The following SMG1 variants were observed in gnomAD, a reference collection of about 807,000 sequenced individuals.
The protein encoded by SMG1 is SMG1 nonsense mediated mRNA decay associated PI3K related kinase.
A neutral mutation model predicts 419.9 loss-of-function variants in SMG1; 22 were observed. The ratio of observed to expected loss-of-function variants is 0.05; its 90% CI spans 0.04 to 0.07. The LOEUF is 0.07. SMG1 is among the 10% of genes least tolerant of loss of function. The pLI, the probability that SMG1 is intolerant of heterozygous loss-of-function variation, is 1.00. For synonymous variants in SMG1, 1,538 were observed against 1,553.5 expected, an observed-to-expected ratio of 0.99 and a Z score of 0.23; for missense variants, 3,185 against 4,342.0, an observed-to-expected ratio of 0.73 and a Z score of 7.49.
At chr16:18,909,267 G>A (rs547738336) in intron 1 of SMG1, among the ~76,000 whole-genome samples, 8 of 152,060 alleles carry the variant, frequency 5.3e-5, no homozygotes, top group South Asian at 4.2e-4. Flanking sequence ...ACTTGAACCC[G>A]GGAGGCAGAG....
intron 1 of SMG1, among the ~76,000 whole-genome samples, chr16:18,916,248 G>C (rs1596658641): frequency 1.3e-5 from 2 of 151,506 alleles, no homozygotes; most frequent in South Asian, 4.2e-4. Context: ...AGGCACGGTG[G>C]CTCACGCCTG....
At position 18,806,441 on chromosome 16, in the gene SMG1, TCAC is replaced by T. The variant is rs1201629140; in HGVS notation, c.*3125_*3127del. 1.3e-5 allele frequency: 2 copies of T among 152,522 alleles called. No homozygotes were observed. The highest frequency in any genetic ancestry group is 4.8e-5 in the African/African-American group (2 of 41,438). The allele number at this position is 152,522 out of a possible 1,614,324, so 9.4% of individuals were successfully genotyped here. A position where few individuals can be genotyped will look rare whatever the true frequency, so the allele number is the denominator to read the frequency against. On this transcript the variant is annotated 3_prime_UTR_variant, in exon 63 of 63. Coordinates refer to ENST00000446231, the MANE Select transcript of SMG1 (RefSeq NM_015092.5). ...AATCTCAACAGATTTCAAAAGCAAC[TCAC>T]CACAAGTGTCAGACACAAAAGAATC...
In SMG1 at chr16:18,918,426, T is replaced by C. The variant is rs117453952; in HGVS notation, c.92+7524A>G. 4.6e-5 allele frequency among the ~76,000 whole-genome samples: 7 copies of C among 152,334 alleles called. No homozygotes were observed. In the East Asian group the frequency reaches 1.2e-3, roughly 25 times the overall value. On this transcript the variant is annotated intron_variant, in intron 1 of 62. Coordinates refer to ENST00000446231, the MANE Select transcript of SMG1 (RefSeq NM_015092.5). Reference sequence around the variant, plus strand: ...CACTGACAATTTGCACCTGGTCTTATCCTAATTTTCTTCTATTTTGGGGGG... The same window carrying C: ...CACTGACAATTTGCACCTGGTCTTACCCTAATTTTCTTCTATTTTGGGGGG...
chr16:18,836,664 T>G, intron 46 of SMG1, 132 bp from the exon 47 acceptor site: 3 of 849,248 alleles, frequency 3.5e-6, no homozygotes, highest in Non-Finnish European at 3.6e-6. Context: ...CCTCCTCAAA[T>G]GTCCCTTACT....
intron 1 of SMG1, among the ~76,000 whole-genome samples, chr16:18,920,278 A>C (rs1343424392): frequency 1.5e-4 from 23 of 151,548 alleles, no homozygotes; most frequent in Non-Finnish European, 2.9e-5. Context: ...TCTACTTAGG[A>C]GGCTGAGACA....
At chr16:18,821,221 C>CTTTT (rs869238782) in intron 55 of SMG1, among the ~76,000 whole-genome samples, 14 of 35,600 alleles carry the variant, frequency 3.9e-4, no homozygotes, top group Non-Finnish European at 6.1e-4. Context: ...TAGTATGTTT[C>CTTTT]TTTTTTTTTT....
intron 55 of SMG1, among the ~76,000 whole-genome samples, chr16:18,820,132 A>G (rs1288166350): frequency 6.6e-6 from 1 of 152,010 alleles, no homozygotes; most frequent in East Asian, 1.9e-4. Flanking sequence ...TGCCTGGCTA[A>G]TTTTTGTAGT....
At chr16:18,813,920 A>C (rs2031717799) in intron 60 of SMG1, among the ~76,000 whole-genome samples, 1 of 151,010 alleles carries the variant, frequency 6.6e-6, no homozygotes, top group African/African-American at 2.4e-5. Context: ...AATTCCAGCT[A>C]CTGGGGAGGT....
chr16:18,815,395 T>TTTTGTA, intron 59 of SMG1, 45 bp downstream of exon 59: 5 of 1,599,824 alleles, frequency 3.1e-6, no homozygotes, highest in Non-Finnish European at 4.3e-6. Context: ...ATACCAGTAG[T>TTTTGTA]TTTGTACTTA....
intron 6 of SMG1, among the ~76,000 whole-genome samples, chr16:18,888,346 T>C (rs557191918): frequency 1.6e-3 from 243 of 151,166 alleles, no homozygotes; most frequent in Admixed American, 2.9e-3. Flanking sequence ...TTAGTTCTTG[T>C]CTCCCTCTAC....
rs185137467 is a variant in SMG1 at position 18,837,231 on chromosome 16, A to G, written c.7604+22T>C. On this transcript the variant is annotated intron_variant, in intron 46 of 62. Transcript: ENST00000446231. ...TTCTAATTAATGGCACATATTTAGA[A>G]GAATTCAACACTGTTTTAAACCTGT... The G allele has an allele frequency of 2.4e-3, 3,841 of 1,573,446 alleles. 18 individuals carry two copies. The highest frequency in any genetic ancestry group is 2.3e-3 in the Non-Finnish European group (2,721 of 1,158,068).
At chr16:18,867,377 T>C (rs938470781) in intron 22 of SMG1, among the ~76,000 whole-genome samples, 1 of 151,760 alleles carries the variant, frequency 6.6e-6, no homozygotes, top group Non-Finnish European at 1.5e-5. Context: ...CTACTAAAAA[T>C]ACAAAACTTA....
At chr16:18,861,961 C>T (rs1399830124) in intron 25 of SMG1, among the ~76,000 whole-genome samples, 5 of 152,124 alleles carry the variant, frequency 3.3e-5, no homozygotes, top group Non-Finnish European at 7.4e-5. Flanking sequence ...TCAACCTCTG[C>T]TTTCTAGTGG....
chr16:18,908,772 C>CGGGAGGCTGAGGT (rs1368628417), intron 1 of SMG1, among the ~76,000 whole-genome samples: 2 of 151,540 alleles, frequency 1.3e-5, no homozygotes, highest in African/African-American at 2.4e-5. Flanking sequence ...CCCAGCTACT[C>CGGGAGGCTGAGGT]GGGAGGCTGA....
In SMG1 at chr16:18,837,241, A is replaced by G; in HGVS notation, c.7604+12T>C. ...TGGCACATATTTAGAAGAATTCAAC[A>G]CTGTTTTAAACCTGTGTTGCAGAGT... On this transcript the variant is annotated intron_variant, in intron 46 of 62. Transcript: ENST00000446231. The G allele has an allele frequency of 1.3e-6, 2 of 1,592,910 alleles. No homozygotes were observed. Among genetic ancestry groups the G allele is most frequent in the Non-Finnish European group, 8.6e-7 (1 of 1,169,126 alleles).
intron 1 of SMG1, among the ~76,000 whole-genome samples, chr16:18,915,997 A>G (rs1327880612): frequency 7.1e-6 from 1 of 139,930 alleles, no homozygotes; most frequent in African/African-American, 2.7e-5. Flanking sequence ...TGAACCCGGG[A>G]GGCAGAGGTT....
intron 54 of SMG1, among the ~76,000 whole-genome samples, chr16:18,828,447 C>T (rs116377871): frequency 1.1e-4 from 16 of 152,296 alleles, no homozygotes; most frequent in African/African-American, 3.1e-4. Context: ...TTAAGGAAAT[C>T]AGAGCTTAAG....
intron 55 of SMG1, among the ~76,000 whole-genome samples, chr16:18,821,078 T>C (rs995123359): frequency 1.3e-5 from 2 of 152,174 alleles, no homozygotes; most frequent in Non-Finnish European, 2.9e-5. Flanking sequence ...TAGCTACTAC[T>C]AATAAACAAA....
intron 41 of SMG1, 100 bp downstream of exon 41, chr16:18,841,462 CTTT>C: frequency 2.0e-6 from 2 of 982,490 alleles, no homozygotes; most frequent in Non-Finnish European, 3.1e-6. Context: ...TCTTTTCCTT[CTTT>C]AACTGCTTAT....
Sources: gnomAD v4.1 joint callset for allele counts (sites outside exome capture counted in the v4.1 genomes callset) on GRCh38, gnomAD v4.1.1 for gene constraint, MANE v1.5 for transcripts, NCBI Gene and HGNC (gene_info 2026-07-23, HGNC 2026-07-21) for gene names.